Variants in RAB11FIP4 observed in about 807,000 individuals in gnomAD.
RAB11FIP4 encodes the protein RAB11 family interacting protein 4.
In RAB11FIP4, 23 loss-of-function variants were observed where a neutral mutation model predicts 74.3. That is an observed-to-expected ratio of 0.31 (90% CI 0.22 to 0.44). The LOEUF (loss-of-function observed/expected upper bound fraction) is 0.44, where lower values mean the gene tolerates loss of function less well. Among genes scored for constraint, RAB11FIP4 ranks in the 20% least tolerant of loss-of-function variants. The pLI, the probability that RAB11FIP4 is intolerant of heterozygous loss-of-function variation, is 1.00. For missense variants in RAB11FIP4, 630 were observed against 863.9 expected, an observed-to-expected ratio of 0.73 and a Z score of 3.39; for synonymous variants, 360 against 359.9, an observed-to-expected ratio of 1.00 and a Z score of 0.00.
intron 1 of RAB11FIP4, among the ~76,000 whole-genome samples, chr17:31,404,235 C>T (rs749694957): frequency 2.0e-5 from 3 of 152,244 alleles, no homozygotes; most frequent in Non-Finnish European, 2.9e-5. Flanking sequence ...GCATCCTCCT[C>T]GGCCTGCACT....
intron 3 of RAB11FIP4, among the ~76,000 whole-genome samples, chr17:31,478,812 A>G (rs2071819928): frequency 1.3e-5 from 2 of 152,222 alleles, no homozygotes; most frequent in African/African-American, 2.4e-5. Flanking sequence ...GTGGCAAATC[A>G]TAGACACCTG....
At chr17:31,428,233 A>G (rs761870541) in intron 1 of RAB11FIP4, among the ~76,000 whole-genome samples, 1 of 152,238 alleles carries the variant, frequency 6.6e-6, no homozygotes, top group Non-Finnish European at 1.5e-5. Flanking sequence ...GGCCACCGGC[A>G]GTGACCAGGG....
rs561840045 is a variant in RAB11FIP4 at position 31,462,284 on chromosome 17, A to C, written c.336+28162A>C. Among the ~76,000 whole-genome samples, 99 of 151,816 alleles carry C rather than the reference A, an allele frequency of 6.5e-4. 4 individuals carry two copies. The South Asian group carries it at 0.02, about 30-fold the overall frequency. On this transcript the variant is annotated intron_variant, in intron 3 of 14. Transcript: ENST00000621161. ...CCATCTCAAAAAAAACAAAAAACAAAAAAAAAAACAGGGCCTAGGTTCTAC... is the reference window on the plus strand; with the variant it reads ...CCATCTCAAAAAAAACAAAAAACAACAAAAAAAACAGGGCCTAGGTTCTAC...
chr17:31,451,040 T>G (rs1213178706), intron 3 of RAB11FIP4, among the ~76,000 whole-genome samples: 1 of 152,154 alleles, frequency 6.6e-6, no homozygotes, highest in East Asian at 1.9e-4. Flanking sequence ...AGCCATCCAC[T>G]TCCCTCCACC....
At chr17:31,456,869 A>G (rs747637186) in intron 3 of RAB11FIP4, among the ~76,000 whole-genome samples, 3 of 152,122 alleles carry the variant, frequency 2.0e-5, no homozygotes, top group East Asian at 1.9e-4. Context: ...GGAGGGGACT[A>G]TTCCAATGGA....
In RAB11FIP4 at chr17:31,500,446, G is replaced by A. The variant is rs150394115; in HGVS notation, c.337-17205G>A. Among the ~76,000 whole-genome samples the A allele has an allele frequency of 1.9e-3, 291 of 152,316 alleles. 1 individual carries two copies. The highest frequency in any genetic ancestry group is 5.4e-3 in the African/African-American group (224 of 41,574). ...AATACTGTCTGGCACGGAGAAACTG[G>A]TAATATCTTGTTCAGTTACTGAGCG... On this transcript the variant is annotated intron_variant, in intron 3 of 14. Transcript: ENST00000621161.
intron 3 of RAB11FIP4, chr17:31,488,387 GT>G (rs1264886197): frequency 2.8e-6 from 3 of 1,062,570 alleles, no homozygotes; most frequent in Non-Finnish European, 3.4e-6. Context: ...GGGAGGTCGT[GT>G]TACCTGAGCC....
intron 3 of RAB11FIP4, chr17:31,488,226 C>A (rs2071936657): frequency 1.8e-6 from 2 of 1,140,856 alleles, no homozygotes; most frequent in Admixed American, 4.8e-5. Context: ...GCGCCTCTGC[C>A]GGGGAGCGGC....
chr17:31,404,127 A>G (rs1378359690), intron 1 of RAB11FIP4, among the ~76,000 whole-genome samples: 2 of 152,214 alleles, frequency 1.3e-5, no homozygotes, highest in Admixed American at 6.5e-5. Flanking sequence ...CCAGGCACTC[A>G]TAGGTAATCC....
intron 3 of RAB11FIP4, among the ~76,000 whole-genome samples, chr17:31,511,275 T>C (rs1049146754): frequency 6.6e-6 from 1 of 152,194 alleles, no homozygotes; most frequent in Non-Finnish European, 1.5e-5. Context: ...CGCCTCCTTT[T>C]GCCGTGTGTT....
chr17:31,517,137 A>AC (rs1417513013), intron 3 of RAB11FIP4, among the ~76,000 whole-genome samples: 1 of 138,724 alleles, frequency 7.2e-6, no homozygotes, highest in East Asian at 2.3e-4. Flanking sequence ...AATCAGAGAT[A>AC]CTCTCAGTTT....
chr17:31,466,243 C>A (rs1443132670), intron 3 of RAB11FIP4, among the ~76,000 whole-genome samples: 1 of 152,078 alleles, frequency 6.6e-6, no homozygotes, highest in Non-Finnish European at 1.5e-5. Context: ...GGGAAGGAGG[C>A]AGAGACAGTG....
At chr17:31,445,535 T>G in intron 3 of RAB11FIP4, among the ~76,000 whole-genome samples, 1 of 11,684 alleles carries the variant, frequency 8.6e-5, no homozygotes, top group African/African-American at 4.3e-4. Context: ...CCCAATTTTA[T>G]ATATATATAT....
In RAB11FIP4 at chr17:31,504,132, C is replaced by CT. The variant is rs1380330116; in HGVS notation, c.337-13503dup. Among the ~76,000 whole-genome samples the CT allele has an allele frequency of 9.5e-3, 1,300 of 136,242 alleles. 53 individuals carry two copies. Among genetic ancestry groups the CT allele is most frequent in the South Asian group, 0.045 (199 of 4,466 alleles). 89.4% of individuals were successfully genotyped at this position (136,242 alleles called of 152,430 possible). A position where few individuals can be genotyped will look rare whatever the true frequency, so the allele number is the denominator to read the frequency against. The stretch of plus-strand genomic sequence containing the variant: ...TTCCATATAATGTTTACTACTACTT[C>CT]TTTTTTTTTTTTTTTTGAGACATTG... On this transcript the variant is annotated intron_variant, in intron 3 of 14. Coordinates refer to ENST00000621161, the MANE Select transcript of RAB11FIP4 (RefSeq NM_032932.6).
intron 3 of RAB11FIP4, among the ~76,000 whole-genome samples, chr17:31,474,675 A>G (rs954015774): frequency 1.3e-5 from 2 of 151,710 alleles, no homozygotes; most frequent in African/African-American, 2.4e-5. Context: ...TCTCAAAAAA[A>G]AAAAAAAAAG....
At chr17:31,447,050 C>T (rs1263872327) in intron 3 of RAB11FIP4, among the ~76,000 whole-genome samples, 1 of 152,108 alleles carries the variant, frequency 6.6e-6, no homozygotes, top group African/African-American at 2.4e-5. Flanking sequence ...TTTGGGAGGC[C>T]AAGGCGGGCG....
intron 1 of RAB11FIP4, among the ~76,000 whole-genome samples, chr17:31,412,847 G>A (rs114161571): frequency 0.011 from 1,645 of 152,352 alleles, 26 homozygotes; most frequent in African/African-American, 0.038. Context: ...CCAGTGGGCA[G>A]TGAGGTGAGG....
At chr17:31,443,154 T>C (rs550593192) in intron 3 of RAB11FIP4, among the ~76,000 whole-genome samples, 1 of 152,320 alleles carries the variant, frequency 6.6e-6, no homozygotes, top group Non-Finnish European at 1.5e-5. Context: ...TAATACAGTT[T>C]AACTTCTTAA....
chr17:31,425,647 G>GC (rs2071241281), intron 1 of RAB11FIP4, among the ~76,000 whole-genome samples: 1 of 152,172 alleles, frequency 6.6e-6, no homozygotes, highest in South Asian at 2.1e-4. Flanking sequence ...TAATTGAGTG[G>GC]CCCCAAAAAG....
Sources: gnomAD v4.1 joint callset for allele counts (sites outside exome capture counted in the v4.1 genomes callset) on GRCh38, gnomAD v4.1.1 for gene constraint, MANE v1.5 for transcripts, NCBI Gene and HGNC (gene_info 2026-07-23, HGNC 2026-07-21) for gene names.